The following SYN3 variants were observed in gnomAD, a reference collection of about 807,000 sequenced individuals.
SYN3 encodes the protein synapsin III.
In SYN3, 35 loss-of-function variants were observed where a neutral mutation model predicts 65.8. The ratio of observed to expected loss-of-function variants is 0.53; its 90% CI spans 0.41 to 0.70. SYN3 has a LOEUF of 0.70. Ranked by LOEUF, SYN3 falls within the 30% of genes least tolerant of loss-of-function variation. SYN3 has a pLI of 0.00. For synonymous variants in SYN3, 270 were observed against 292.9 expected (o/e 0.92, Z 0.80); for missense variants, 680 against 749.0 (o/e 0.91, Z 1.08).
intron 4 of SYN3, 192 bp downstream of exon 4, chr22:32,931,198 C>A: frequency 1.9e-6 from 1 of 528,840 alleles, no homozygotes; most frequent in Non-Finnish European, 3.4e-6. Context: ...CTTGGGGACA[C>A]CACAGGTGCT....
At chr22:32,726,255 G>T (rs1028022189) in intron 6 of SYN3, among the ~76,000 whole-genome samples, 1 of 152,046 alleles carries the variant, frequency 6.6e-6, no homozygotes, top group East Asian at 1.9e-4. Flanking sequence ...AGATTCTCTT[G>T]CCTCAGCTTC....
In SYN3 at chr22:32,647,732, C is replaced by T. The variant is rs141626040; in HGVS notation, c.712-50996G>A. Among the ~76,000 whole-genome samples, 431 of 152,196 alleles carry T rather than the reference C, an allele frequency of 2.8e-3. 2 individuals are homozygous for T. The highest frequency in any genetic ancestry group is 9.4e-3 in the African/African-American group (391 of 41,544). ...CAAGCAATTCTTCTGCCTCAGCCTCCGGAGTAGCTGGGATTACAGGTGCGC... is the reference window on the plus strand; with the variant it reads ...CAAGCAATTCTTCTGCCTCAGCCTCTGGAGTAGCTGGGATTACAGGTGCGC... On this transcript the variant is annotated intron_variant, in intron 6 of 13. Transcript: ENST00000358763.
At chr22:32,981,005 C>T (rs2052355850) in intron 2 of SYN3, among the ~76,000 whole-genome samples, 1 of 151,908 alleles carries the variant, frequency 6.6e-6, no homozygotes, top group Non-Finnish European at 1.5e-5. Context: ...CAGGTGCCTG[C>T]CATCACATCC....
In SYN3 at chr22:32,854,783, T is replaced by C. The variant is rs116961587; in HGVS notation, c.711+10132A>G. On this transcript the variant is annotated intron_variant, in intron 6 of 13. Coordinates refer to ENST00000358763, the MANE Select transcript of SYN3 (RefSeq NM_003490.4). Reference sequence around the variant, plus strand: ...CACTTGGCTGCGTTACCGTGCTCAGTTGGCAAGCCTTGGGGGAGAAGAGAG... The same window carrying C: ...CACTTGGCTGCGTTACCGTGCTCAGCTGGCAAGCCTTGGGGGAGAAGAGAG... 2.9e-4 allele frequency among the ~76,000 whole-genome samples: 44 copies of C among 152,300 alleles called. 2 individuals carry two copies. The East Asian group carries it at 8.5e-3, about 29-fold the overall frequency.
chr22:32,539,042 C>A (rs1250033989), intron 8 of SYN3, among the ~76,000 whole-genome samples: 2 of 152,012 alleles, frequency 1.3e-5, no homozygotes, highest in African/African-American at 4.8e-5. Context: ...CATCTGGCCT[C>A]GGCAAAGACT....
chr22:32,986,833 C>A (rs570444163), intron 2 of SYN3, among the ~76,000 whole-genome samples: 1 of 152,194 alleles, frequency 6.6e-6, no homozygotes, highest in East Asian at 1.9e-4. Flanking sequence ...CTGGATTCCA[C>A]GAAGATTCTC....
chr22:32,673,618 A>G (rs2060401999), intron 6 of SYN3, among the ~76,000 whole-genome samples: 1 of 152,238 alleles, frequency 6.6e-6, no homozygotes, highest in South Asian at 2.1e-4. Context: ...TTGAAGAGCC[A>G]GGGATGGCTT....
chr22:32,581,414 C>A (rs944940499), intron 7 of SYN3, among the ~76,000 whole-genome samples: 3 of 152,208 alleles, frequency 2.0e-5, no homozygotes, highest in Non-Finnish European at 4.4e-5. Flanking sequence ...TCCCGGCCAA[C>A]TGGGGCTATT....
At chr22:32,974,751 G>A (rs241726) in intron 3 of SYN3, among the ~76,000 whole-genome samples, 20,589 of 152,140 alleles carry the variant, frequency 0.14, 1,584 homozygotes, top group South Asian at 0.28. Flanking sequence ...TCAGGTTTTA[G>A]GGGAGTAGCA....
chr22:32,945,736 C>G, intron 3 of SYN3, among the ~76,000 whole-genome samples: 1 of 152,034 alleles, frequency 6.6e-6, no homozygotes, highest in East Asian at 1.9e-4. Context: ...AAAGAAACTA[C>G]CACTAGAGTG....
chr22:32,598,835 G>C (rs1296493617), intron 6 of SYN3, among the ~76,000 whole-genome samples: 1 of 151,526 alleles, frequency 6.6e-6, no homozygotes, highest in East Asian at 1.9e-4. Flanking sequence ...CCATACCCTG[G>C]TGTCTATGGT....
intron 6 of SYN3, among the ~76,000 whole-genome samples, chr22:32,779,227 A>G (rs972209477): frequency 6.6e-6 from 1 of 152,198 alleles, no homozygotes; most frequent in Non-Finnish European, 1.5e-5. Context: ...TGGGAGGCCG[A>G]GGTGGGTGGA....
Position 32,767,133 on chromosome 22 carries a change from CAT to C in SYN3, c.711+97780_711+97781del, listed in dbSNP as rs541246701. 3.9e-3 allele frequency among the ~76,000 whole-genome samples: 587 copies of C among 152,266 alleles called. 1 individual carries two copies. Among genetic ancestry groups the C allele is most frequent in the Middle Eastern group, 0.014 (4 of 294 alleles). ...CCTACTGCGCATCAGGGATGCTACA[CAT>C]GTTATTTGTGTACTTTGCACACCTG... On this transcript the variant is annotated intron_variant, in intron 6 of 13. Coordinates refer to ENST00000358763, the MANE Select transcript of SYN3 (RefSeq NM_003490.4).
intron 6 of SYN3, among the ~76,000 whole-genome samples, chr22:32,669,682 T>C (rs2147056346): frequency 6.6e-6 from 1 of 152,370 alleles, no homozygotes; most frequent in South Asian, 2.1e-4. Context: ...GTTTTATACA[T>C]GGTTGTCCAG....
intron 6 of SYN3, among the ~76,000 whole-genome samples, chr22:32,669,876 A>T (rs1474872409): frequency 1.3e-5 from 2 of 152,068 alleles, no homozygotes; most frequent in Non-Finnish European, 2.9e-5. Flanking sequence ...TGCAAATTGG[A>T]TGGCAGGATA....
chr22:32,879,935 G>C (rs553213756), intron 4 of SYN3, among the ~76,000 whole-genome samples: 3 of 152,346 alleles, frequency 2.0e-5, no homozygotes, highest in African/African-American at 7.2e-5. Context: ...CTCTGCTCTT[G>C]TGTCTTTGAG....
At chr22:32,795,597 T>C (rs923349710) in intron 6 of SYN3, among the ~76,000 whole-genome samples, 12 of 152,116 alleles carry the variant, frequency 7.9e-5, no homozygotes, top group Admixed American at 7.9e-4. Context: ...GCACATAGCA[T>C]GGTAGCGACC....
At chr22:33,014,798 A>C (rs1003631253) in intron 1 of SYN3, among the ~76,000 whole-genome samples, 4 of 152,190 alleles carry the variant, frequency 2.6e-5, no homozygotes, top group Non-Finnish European at 5.9e-5. Flanking sequence ...CCAGCTTCGC[A>C]GTCGAAGGAC....
At chr22:32,807,399 A>ATATTATATATAATATATATT (rs130273) in intron 6 of SYN3, among the ~76,000 whole-genome samples, 3,660 of 117,684 alleles carry the variant, frequency 0.031, 89 homozygotes, top group Non-Finnish European at 0.037. Context: ...TATATAATAT[A>ATATTATATATAATATATATT]TATATATTAT....
Sources: gnomAD v4.1 joint callset for allele counts (sites outside exome capture counted in the v4.1 genomes callset) on GRCh38, gnomAD v4.1.1 for gene constraint, MANE v1.5 for transcripts, NCBI Gene and HGNC (gene_info 2026-07-23, HGNC 2026-07-21) for gene names.